The following PDE1A variants were observed in gnomAD, a reference collection of about 807,000 sequenced individuals.
PDE1A encodes phosphodiesterase 1A.
In PDE1A, 35 loss-of-function variants were observed where a neutral mutation model predicts 61.7. The ratio of observed to expected loss-of-function variants is 0.57; its 90% CI spans 0.43 to 0.75. PDE1A has a LOEUF of 0.75. Among genes scored for constraint, PDE1A ranks in the 30% least tolerant of loss-of-function variants. The pLI is 0.00. For missense variants in PDE1A, 597 were observed against 630.6 expected (o/e 0.95, Z 0.57); for synonymous variants, 232 against 213.2 (o/e 1.09, Z -0.77).
intron 2 of PDE1A, among the ~76,000 whole-genome samples, chr2:182,448,980 G>A (rs575067681): frequency 1.3e-4 from 19 of 147,928 alleles, no homozygotes; most frequent in East Asian, 6.3e-4. Flanking sequence ...AAAGATATAC[G>A]TTTAAATTTA....
chr2:182,513,399 T>C (rs1042493287), intron 2 of PDE1A, among the ~76,000 whole-genome samples: 7 of 152,170 alleles, frequency 4.6e-5, no homozygotes, highest in Admixed American at 4.6e-4. Flanking sequence ...AAGCAAATGC[T>C]AAGGGAATTT....
chr2:182,472,432 A>C (rs1332767853), intron 2 of PDE1A, among the ~76,000 whole-genome samples: 2 of 152,000 alleles, frequency 1.3e-5, no homozygotes, highest in Non-Finnish European at 2.9e-5. Context: ...ACTGGAGACC[A>C]TTATCCTAAG....
chr2:182,426,489 C>T (rs1703628863), intron 1 of PDE1A, 89 bp downstream of exon 1: 1 of 928,650 alleles, frequency 1.1e-6, no homozygotes, highest in African/African-American at 1.6e-5. Context: ...TCTGCTGTAG[C>T]TTAGTGGCAG....
chr2:182,586,076 T>C, the PDE1A span, among the ~76,000 whole-genome samples: 11 of 152,310 alleles, frequency 7.2e-5, no homozygotes, highest in East Asian at 1.3e-3. Context: ...TTTCCCATAT[T>C]AGAAGCACTT....
At chr2:182,545,798 T>C in the PDE1A span, among the ~76,000 whole-genome samples, 2 of 152,230 alleles carry the variant, frequency 1.3e-5, no homozygotes, top group Admixed American at 6.5e-5. Context: ...TTTATACTTC[T>C]GTTTCTACAC....
chr2:182,535,583 AGGTAATCC>A, the PDE1A span, among the ~76,000 whole-genome samples: 13 of 152,250 alleles, frequency 8.5e-5, no homozygotes, highest in African/African-American at 3.1e-4. Context: ...AGTTTTAGTT[AGGTAATCC>A]TGCTGTCAGC....
chr2:182,142,986 T>C (rs1690298656), downstream of PDE1A: 1 of 152,248 alleles, frequency 6.6e-6, no homozygotes, highest in Non-Finnish European at 1.5e-5. Context: ...AGAAGAGCCA[T>C]AGCTTTGTGG....
At chr2:182,165,505 C>T (rs1474331822), downstream of PDE1A, among the ~76,000 whole-genome samples, 1 of 152,112 alleles carries the variant, frequency 6.6e-6, no homozygotes, top group Non-Finnish European at 1.5e-5. Flanking sequence ...AATAGTATTT[C>T]TGGAATACAG....
chr2:182,648,824 T>G, the PDE1A span, among the ~76,000 whole-genome samples: 1 of 152,180 alleles, frequency 6.6e-6, no homozygotes, highest in East Asian at 1.9e-4. Flanking sequence ...ATGCCAACAC[T>G]TCCAGTCACA....
chr2:182,306,720 G>C (rs952703677), intron 1 of PDE1A, among the ~76,000 whole-genome samples: 1 of 152,122 alleles, frequency 6.6e-6, no homozygotes, highest in Non-Finnish European at 1.5e-5. Context: ...GAAGAAGAAA[G>C]TCTCTTCAAT....
intron 6 of PDE1A, among the ~76,000 whole-genome samples, chr2:182,226,673 A>C (rs1689167308): frequency 6.7e-6 from 1 of 149,776 alleles, no homozygotes. Flanking sequence ...CACTCTTCCC[A>C]ACTACAGCAC....
chr2:182,188,750 A>T (rs987201796), intron 11 of PDE1A, among the ~76,000 whole-genome samples: 9 of 152,258 alleles, frequency 5.9e-5, no homozygotes, highest in African/African-American at 2.2e-4. Flanking sequence ...TAAAAGGATT[A>T]CAACCACGAT....
intron 10 of PDE1A, among the ~76,000 whole-genome samples, chr2:182,196,840 A>G (rs1405902365): frequency 6.6e-6 from 1 of 151,652 alleles, no homozygotes; most frequent in East Asian, 1.9e-4. Context: ...GAATATTTGG[A>G]CTGTTTCTAG....
At chr2:182,711,708 C>T in the PDE1A span, among the ~76,000 whole-genome samples, 1 of 152,170 alleles carries the variant, frequency 6.6e-6, no homozygotes, top group South Asian at 2.1e-4. Flanking sequence ...CTAAAATAAG[C>T]ATACCCAAAG....
intron 11 of PDE1A, 40 bp downstream of exon 11, chr2:182,188,939 C>T (rs896738559): frequency 2.2e-6 from 3 of 1,346,982 alleles, no homozygotes; most frequent in Non-Finnish European, 3.2e-6. Flanking sequence ...AACTGACAAG[C>T]ACACACTCAC....
chr2:182,432,063 G>C (rs1703977119), intron 2 of PDE1A, among the ~76,000 whole-genome samples: 1 of 151,990 alleles, frequency 6.6e-6, no homozygotes, highest in African/African-American at 2.4e-5. Context: ...AAGATCCCTA[G>C]ACTAAAGTCA....
At chr2:182,496,100 TAGAGG>T (rs1688697593) in intron 2 of PDE1A, among the ~76,000 whole-genome samples, 1 of 152,198 alleles carries the variant, frequency 6.6e-6, no homozygotes, top group Admixed American at 6.5e-5. Context: ...TCTACCCTAT[TAGAGG>T]AAAGACTGTC....
the PDE1A span, among the ~76,000 whole-genome samples, chr2:182,556,120 G>A: frequency 2.8e-4 from 42 of 152,132 alleles, no homozygotes; most frequent in African/African-American, 1.0e-3. Context: ...CAATAAAAAT[G>A]AAGGGAGTGA....
chr2:182,599,998 G>C, the PDE1A span, among the ~76,000 whole-genome samples: 1 of 152,074 alleles, frequency 6.6e-6, no homozygotes, highest in Non-Finnish European at 1.5e-5. Flanking sequence ...TTGAAGCCTG[G>C]TCTAGGAGCA....
Sources: allele counts gnomAD v4.1 joint callset (sites outside exome capture counted in the v4.1 genomes callset), GRCh38; gene constraint gnomAD v4.1.1; transcripts MANE v1.5; gene names NCBI Gene and HGNC (gene_info 2026-07-23, HGNC 2026-07-21).